ADRA1A: variants seen among roughly 807,000 people sequenced by gnomAD.
ADRA1A encodes the protein alpha-1A adrenergic receptor.
A neutral mutation model predicts 29.6 loss-of-function variants in ADRA1A; 31 were observed. The ratio of observed to expected loss-of-function variants is 1.05; its 90% confidence interval spans 0.79 to 1.41. The LOEUF (loss-of-function observed/expected upper bound fraction) is 1.41, where lower values mean the gene tolerates loss of function less well. Among genes scored for constraint, ADRA1A ranks in the 40% most tolerant of loss-of-function variants. ADRA1A has a pLI of 0.00. For missense variants in ADRA1A, 619 were observed against 601.1 expected (o/e 1.03, Z -0.31); for synonymous variants, 311 against 254.3 (o/e 1.22, Z -2.12).
rs1020999976 is a variant in ADRA1A at position 26,806,869 on chromosome 8, G to C, written c.884-36203C>G. On this transcript the variant is annotated intron_variant, in intron 2 of 2. Transcript: ENST00000380573. This position sits in a 1 kb window ranked among gnomAD's most constrained non-coding sequence, Gnocchi z 4.6. ...GGGTGGGGAGGGGGCTGGCATCTGTGATAATGAGAGAAGATGCCTAGAGGG... is the reference window on the plus strand; with the variant it reads ...GGGTGGGGAGGGGGCTGGCATCTGTCATAATGAGAGAAGATGCCTAGAGGG... Among the ~76,000 whole-genome samples, 2 of 152,118 alleles carry C rather than the reference G, an allele frequency of 1.3e-5. No individual in the cohort carries two copies. Among genetic ancestry groups the C allele is most frequent in the African/African-American group, 4.8e-5 (2 of 41,436 alleles).
intron 2 of ADRA1A, among the ~76,000 whole-genome samples, chr8:26,773,664 T>C (rs1806337926): frequency 6.6e-6 from 1 of 152,216 alleles, no homozygotes; most frequent in South Asian, 2.1e-4. Flanking sequence ...TGCTAATAAA[T>C]ATGGTTTGAG....
chr8:26,775,613 T>C lies in ADRA1A; in HGVS notation c.884-4947A>G, dbSNP rs1447978034. The stretch of plus-strand genomic sequence containing the variant: ...ACTTAATCCCCTGAACACCTTGCCC[T>C]GCAGCTCAAGCCATCCTTTGCATGT... On this transcript the variant is annotated intron_variant, in intron 2 of 2. Coordinates refer to ENST00000380573, the MANE Select transcript of ADRA1A (RefSeq NM_000680.4). This position sits in a 1 kb window ranked among gnomAD's most constrained non-coding sequence, Gnocchi z 4.1. 6.6e-6 allele frequency among the ~76,000 whole-genome samples: 1 copy of C among 152,204 alleles called. No homozygotes were observed. Among genetic ancestry groups the C allele is most frequent in the Non-Finnish European group, 1.5e-5 (1 of 68,032 alleles).
chr8:26,819,376 T>G (rs1809992496), intron 2 of ADRA1A, among the ~76,000 whole-genome samples: 1 of 147,586 alleles, frequency 6.8e-6, no homozygotes, highest in African/African-American at 2.6e-5. Context: ...AAACTCACTT[T>G]TACTCTAGTA....
At chr8:26,756,362 C>G (rs943459147), downstream of ADRA1A, 7 of 1,133,924 alleles carry the variant, frequency 6.2e-6, no homozygotes, top group Non-Finnish European at 7.9e-6. Context: ...ATGCCATTTA[C>G]TTATTGAAGA....
chr8:26,783,215 A>T (rs1419456429), intron 2 of ADRA1A, among the ~76,000 whole-genome samples: 4 of 152,222 alleles, frequency 2.6e-5, no homozygotes, highest in African/African-American at 9.6e-5. Flanking sequence ...TGAGTTATAT[A>T]TGAAAACTTA....
chr8:26,780,754 G>T (rs981143076), intron 2 of ADRA1A, among the ~76,000 whole-genome samples: 1 of 152,152 alleles, frequency 6.6e-6, no homozygotes, highest in Non-Finnish European at 1.5e-5. Flanking sequence ...TCTCTCCATT[G>T]CTCACATTAC....
In ADRA1A at chr8:26,841,419, G is replaced by C. The variant is rs1360239189; in HGVS notation, c.883+22668C>G. The stretch of plus-strand genomic sequence containing the variant: ...TCCCTTCTAACTGTGAAGGCATCGG[G>C]CTTTCCCAGATATCCTTTGCATTCA... On this transcript the variant is annotated intron_variant, in intron 2 of 2. Coordinates refer to ENST00000380573, the MANE Select transcript of ADRA1A (RefSeq NM_000680.4). The surrounding 1 kb of genome is among the most constrained non-coding windows in gnomAD (Gnocchi z 4.4). Among the ~76,000 whole-genome samples the C allele has an allele frequency of 2.0e-5, 3 of 152,126 alleles. No homozygotes were observed. Among genetic ancestry groups the C allele is most frequent in the Admixed American group, 6.5e-5 (1 of 15,276 alleles).
At chr8:26,785,417 A>C (rs1173640309) in intron 2 of ADRA1A, among the ~76,000 whole-genome samples, 1 of 152,230 alleles carries the variant, frequency 6.6e-6, no homozygotes, top group African/African-American at 2.4e-5. Context: ...ACAAATACGC[A>C]AGGATGTCAA....
chr8:26,770,916 C>A (rs142559789), intron 2 of ADRA1A, among the ~76,000 whole-genome samples: 13 of 152,320 alleles, frequency 8.5e-5, no homozygotes, highest in African/African-American at 3.1e-4. Context: ...TAGGGTTGCA[C>A]TGGCTCTCAG....
chr8:26,761,437 G>A (rs1428082145), downstream of ADRA1A, among the ~76,000 whole-genome samples: 2 of 152,204 alleles, frequency 1.3e-5, no homozygotes, highest in Non-Finnish European at 2.9e-5. Flanking sequence ...TTCGGCGATA[G>A]TGCCTTTTAA....
chr8:26,790,037 C>T (rs1807703394), intron 2 of ADRA1A, among the ~76,000 whole-genome samples: 1 of 152,102 alleles, frequency 6.6e-6, no homozygotes, highest in African/African-American at 2.4e-5. Context: ...TTGTAAAGAA[C>T]ATTATGGTGG....
chr8:26,842,515 A>G (rs35130718), intron 2 of ADRA1A, among the ~76,000 whole-genome samples: 2,736 of 152,174 alleles, frequency 0.018, 61 homozygotes, highest in Non-Finnish European at 0.026. Context: ...GCCTTGAAAT[A>G]TCCCTGTTCT....
intron 2 of ADRA1A, among the ~76,000 whole-genome samples, chr8:26,857,532 A>G (rs1054023006): frequency 6.6e-6 from 1 of 152,186 alleles, no homozygotes; most frequent in African/African-American, 2.4e-5. Flanking sequence ...TTAGCCAGGC[A>G]TGGTGGTGCA....
chr8:26,763,466 C>T (rs57635873), downstream of ADRA1A, among the ~76,000 whole-genome samples: 16,946 of 152,200 alleles, frequency 0.11, 1,455 homozygotes, highest in East Asian at 0.33. This position sits in a 1 kb window ranked among gnomAD's most constrained non-coding sequence, Gnocchi z 4.5. Context: ...GACCTTTCTG[C>T]TCTACAGATG....
downstream of ADRA1A, among the ~76,000 whole-genome samples, chr8:26,760,972 T>A (rs1364264227): frequency 1.3e-5 from 2 of 152,154 alleles, no homozygotes; most frequent in African/African-American, 4.8e-5. Flanking sequence ...CTGTAACTAG[T>A]GGTTGGATCT....
chr8:26,764,692 A>G (rs1805677981), downstream of ADRA1A, among the ~76,000 whole-genome samples: 2 of 152,232 alleles, frequency 1.3e-5, no homozygotes, highest in South Asian at 4.1e-4. Flanking sequence ...CACAGGGATG[A>G]CTTAAGATAG....
intron 2 of ADRA1A, among the ~76,000 whole-genome samples, chr8:26,842,060 A>T (rs1251466898): frequency 1.3e-5 from 2 of 152,100 alleles, no homozygotes; most frequent in Non-Finnish European, 2.9e-5. Flanking sequence ...CTCTCATCTC[A>T]AGAGCTCTTC....
rs1808913991 is a variant in ADRA1A at position 26,805,578 on chromosome 8, G to A, written c.884-34912C>T. Among the ~76,000 whole-genome samples, 1 of 152,210 alleles carries A rather than the reference G, an allele frequency of 6.6e-6. No homozygotes were observed. Among genetic ancestry groups the A allele is most frequent in the African/African-American group, 2.4e-5 (1 of 41,456 alleles). Reference sequence around the variant, plus strand: ...ATACCAAGACATTAGTGTTATTACAGATTACGAAACAGGCATGAGAGGCTA... The same window carrying A: ...ATACCAAGACATTAGTGTTATTACAAATTACGAAACAGGCATGAGAGGCTA... On this transcript the variant is annotated intron_variant, in intron 2 of 2. Coordinates refer to ENST00000380573, the MANE Select transcript of ADRA1A (RefSeq NM_000680.4). The surrounding 1 kb of genome is among the most constrained non-coding windows in gnomAD (Gnocchi z 4.8).
At chr8:26,856,298 C>A (rs1307851153) in intron 2 of ADRA1A, among the ~76,000 whole-genome samples, 1 of 152,194 alleles carries the variant, frequency 6.6e-6, no homozygotes, top group Non-Finnish European at 1.5e-5. Flanking sequence ...TTGCACTTGG[C>A]AGGATACAGC....
Sources: gnomAD v4.1 joint callset for allele counts (sites outside exome capture counted in the v4.1 genomes callset) on GRCh38, gnomAD v4.1.1 for gene constraint, Gnocchi (gnomAD v3.1) non-coding constraint, MANE v1.5 for transcripts, NCBI Gene and HGNC (gene_info 2026-07-23, HGNC 2026-07-21) for gene names.